Variants in ADGRE5 observed in about 807,000 individuals in gnomAD.
The protein encoded by ADGRE5 is CD97 molecule.
Under a neutral mutation model 100.3 loss-of-function variants are expected in ADGRE5, and 72 were observed. The ratio of observed to expected loss-of-function variants is 0.72; its 90% CI spans 0.59 to 0.87. The LOEUF (loss-of-function observed/expected upper bound fraction) is 0.87, where lower values mean the gene tolerates loss of function less well. ADGRE5 is among the 40% of genes least tolerant of loss of function. ADGRE5 has a pLI of 0.00. For synonymous variants in ADGRE5, 439 were observed against 447.8 expected (o/e 0.98, Z 0.25); for missense variants, 959 against 1,094.7 (o/e 0.88, Z 1.75).
chr19:14,396,858 C>T (rs1021980170), intron 5 of ADGRE5, among the ~76,000 whole-genome samples: 5 of 152,324 alleles, frequency 3.3e-5, no homozygotes, highest in South Asian at 2.1e-4. Context: ...TTTGGTTTCA[C>T]CTCCTATAAA....
intron 1 of ADGRE5, among the ~76,000 whole-genome samples, chr19:14,381,909 T>A (rs1310658236): frequency 7.2e-6 from 1 of 138,572 alleles, no homozygotes; most frequent in African/African-American, 2.8e-5. Context: ...ATATAACGCA[T>A]AGAAGGACAT....
At chr19:14,394,205 C>T (rs1212590644) in intron 4 of ADGRE5, among the ~76,000 whole-genome samples, 1 of 152,166 alleles carries the variant, frequency 6.6e-6, no homozygotes, top group Non-Finnish European at 1.5e-5. Context: ...GAGGGACCTC[C>T]ACGGACATCA....
At chr19:14,392,938 A>T (rs1290824957) in intron 4 of ADGRE5, among the ~76,000 whole-genome samples, 1 of 150,266 alleles carries the variant, frequency 6.7e-6, no homozygotes, top group Non-Finnish European at 1.5e-5. Flanking sequence ...GCGATGGCTC[A>T]TGCCTGTAAT....
intron 1 of ADGRE5, among the ~76,000 whole-genome samples, chr19:14,384,915 CCTCT>C (rs543392114): frequency 1.3e-5 from 2 of 150,456 alleles, no homozygotes. Context: ...TCTCCTTTCT[CCTCT>C]CTGTCTCCGT....
chr19:14,399,427 A>G (rs927441882), intron 9 of ADGRE5, among the ~76,000 whole-genome samples: 6 of 150,688 alleles, frequency 4.0e-5, no homozygotes, highest in Admixed American at 1.3e-4. Flanking sequence ...AGCCGGGCGT[A>G]GTGGCGGGCG....
At chr19:14,398,843 T>G (rs1053917270) in intron 9 of ADGRE5, among the ~76,000 whole-genome samples, 4 of 139,084 alleles carry the variant, frequency 2.9e-5, no homozygotes, top group African/African-American at 1.1e-4. Context: ...TTTGTTTGCG[T>G]TTTTTTTTTT....
intron 13 of ADGRE5, chr19:14,404,805 G>C: frequency 2.1e-6 from 1 of 469,082 alleles, no homozygotes; most frequent in Non-Finnish European, 3.7e-6. Context: ...TCCCGTACCA[G>C]TTGTGAGATG....
intron 9 of ADGRE5, among the ~76,000 whole-genome samples, chr19:14,400,148 T>C (rs1055688495): frequency 1.3e-5 from 2 of 152,090 alleles, no homozygotes; most frequent in African/African-American, 4.8e-5. Flanking sequence ...GCCTCCCAAG[T>C]AGCTGGGACT....
In ADGRE5 at chr19:14,386,211, C is replaced by G. The variant is rs192615834; in HGVS notation, c.23-2239C>G. 2.3e-3 allele frequency among the ~76,000 whole-genome samples: 349 copies of G among 151,296 alleles called. 2 individuals carry two copies. The highest frequency in any genetic ancestry group is 8.0e-3 in the African/African-American group (331 of 41,314). On this transcript the variant is annotated intron_variant, in intron 1 of 19. Transcript: ENST00000242786. The stretch of plus-strand genomic sequence containing the variant: ...TGGCTAACATGGTGAAACCCCTTCT[C>G]TACTAAAAATATAAAAAGTTAGCCA...
At position 14,408,248 on chromosome 19, in the gene ADGRE5, C is replaced by CTCCCTCCTGGTGGCACA; in HGVS notation, c.*127_*128insTCCCTCCTGGTGGCACA. 1 of 1,102,206 alleles carries CTCCCTCCTGGTGGCACA rather than the reference C, an allele frequency of 9.1e-7. No individual in the cohort carries two copies. Among genetic ancestry groups the CTCCCTCCTGGTGGCACA allele is most frequent in the Non-Finnish European group, 1.3e-6 (1 of 743,116 alleles). 68.3% of individuals were successfully genotyped at this position (1,102,206 alleles called of 1,614,324 possible). A position where few individuals can be genotyped will look rare whatever the true frequency, so the allele number is the denominator to read the frequency against. The stretch of plus-strand genomic sequence containing the variant: ...CCTCCCTCCCTGATCCCGTGTGCCA[C>CTCCCTCCTGGTGGCACA]CAGGAGGGAGTGGCAGCTATAGTCT... On this transcript the variant is annotated 3_prime_UTR_variant, in exon 20 of 20. Coordinates refer to ENST00000242786, the MANE Select transcript of ADGRE5 (RefSeq NM_078481.4).
chr19:14,389,501 G>A (rs1259888056), intron 3 of ADGRE5, among the ~76,000 whole-genome samples: 2 of 151,290 alleles, frequency 1.3e-5, no homozygotes, highest in African/African-American at 4.9e-5. Context: ...AGGAGGCCGA[G>A]GTGGACAGAT....
chr19:14,398,485 T>C (rs549844692), intron 9 of ADGRE5: 11 of 253,804 alleles, frequency 4.3e-5, no homozygotes, highest in Admixed American at 1.0e-4. Context: ...CTGGCTAACA[T>C]GGTGAAACCC....
intron 1 of ADGRE5, among the ~76,000 whole-genome samples, chr19:14,385,314 C>A (rs1339853385): frequency 1.3e-5 from 2 of 151,366 alleles, no homozygotes; most frequent in Non-Finnish European, 2.9e-5. Context: ...GCACAGCCCC[C>A]CACCTTCTGT....
chr19:14,392,672 G>T (rs779407999), intron 4 of ADGRE5, among the ~76,000 whole-genome samples: 24 of 152,112 alleles, frequency 1.6e-4, no homozygotes, highest in Non-Finnish European at 2.4e-4. Flanking sequence ...GGAGGCCGAG[G>T]CAGGTGGATC....
chr19:14,407,911 C>G lies in ADGRE5; in HGVS notation c.2380C>G (p.Arg794Gly), dbSNP rs369617596. The change falls in exon 19 of 20, where the codon CGG becomes GGG. Residue 794 changes from arginine (R) to glycine (G), a missense_variant. Physicochemically the swap from Arg to Gly is moderately radical, Grantham distance 125 (BLOSUM62 -2). Around this residue, in one of 6 missense-constraint regions of ADGRE5, gnomAD observed 428 missense variants for 386.2 expected, o/e 1.11. Transcript: ENST00000242786. ...LLHCLLNKKV[R>G]EEYRKWACLV... ...GACTTGGTGTCTGGGCCGGCAGGTT[C>G]GGGAAGAATACCGGAAGTGGGCCTG... 5.0e-6 allele frequency: 8 copies of G among 1,613,834 alleles called. No individual in the cohort carries two copies. Among genetic ancestry groups the G allele is most frequent in the Non-Finnish European group, 5.9e-6 (7 of 1,179,878 alleles).
intron 9 of ADGRE5, among the ~76,000 whole-genome samples, chr19:14,399,603 C>T (rs10426442): frequency 0.2 from 27,005 of 136,120 alleles, 5,022 homozygotes; most frequent in African/African-American, 0.49. Context: ...AATTAGCTGG[C>T]GTGGTGGTGC....
intron 6 of ADGRE5, 112 bp downstream of exon 6, chr19:14,397,335 G>C: frequency 6.5e-7 from 1 of 1,546,030 alleles, no homozygotes; most frequent in Non-Finnish European, 8.8e-7. Context: ...GGCTGTGCCA[G>C]GCGTTCGTTC....
chr19:14,394,025 G>A (rs1413616152), intron 4 of ADGRE5, among the ~76,000 whole-genome samples: 1 of 152,180 alleles, frequency 6.6e-6, no homozygotes, highest in Non-Finnish European at 1.5e-5. Context: ...TCCTCCCAGG[G>A]TGCTCTGGCT....
At chr19:14,392,690 G>T (rs1975642225) in intron 4 of ADGRE5, among the ~76,000 whole-genome samples, 1 of 151,742 alleles carries the variant, frequency 6.6e-6, no homozygotes, top group South Asian at 2.1e-4. Context: ...ATCATCTGAG[G>T]TCAGGAGTTC....
Sources: gnomAD v4.1 joint callset for allele counts (sites outside exome capture counted in the v4.1 genomes callset) on GRCh38, gnomAD v4.1.1 for gene constraint, gnomAD v4.1.1 regional missense constraint, MANE v1.5 for transcripts, NCBI Gene and HGNC (gene_info 2026-07-23, HGNC 2026-07-21) for gene names.